Variants in PITPNC1 observed in about 807,000 individuals in gnomAD.
PITPNC1 encodes the protein cytoplasmic phosphatidylinositol transfer protein 1.
Under a neutral mutation model 44.7 loss-of-function variants are expected in PITPNC1, and 18 were observed. The ratio of observed to expected loss-of-function variants is 0.40; its 90% CI spans 0.28 to 0.60. The LOEUF is 0.60. PITPNC1 is among the 20% of genes least tolerant of loss of function. The probability of loss-of-function intolerance (pLI) is 0.39; values close to 1 mark genes in which losing one functional copy is unlikely to be tolerated. For synonymous variants in PITPNC1, 141 were observed against 149.6 expected (o/e 0.94, Z 0.42); for missense variants, 290 against 418.4 (o/e 0.69, Z 2.68).
chr17:67,379,452 C>A, intron 1 of PITPNC1: 1 of 776,584 alleles, frequency 1.3e-6, no homozygotes, highest in Non-Finnish European at 1.6e-6. Context: ...CAAAACGCAT[C>A]ACGGGGACAC....
In PITPNC1 at chr17:67,379,798, G is replaced by A. The variant is rs527917386; in HGVS notation, c.48+1596G>A. 7.9e-5 allele frequency among the ~76,000 whole-genome samples: 12 copies of A among 152,280 alleles called. No homozygotes were observed. In the East Asian group the frequency reaches 1.7e-3, roughly 22 times the overall value. ...CTAATGACCTTGTTTTTTGATATGA[G>A]TTTGGATTCTAGGAGCAATGTTGGG... On this transcript the variant is annotated intron_variant, in intron 1 of 8. Transcript: ENST00000581322.
At position 67,397,002 on chromosome 17, in the gene PITPNC1, C is replaced by T. The variant is rs926074006; in HGVS notation, c.48+18800C>T. Among the ~76,000 whole-genome samples the T allele has an allele frequency of 2.0e-5, 3 of 151,988 alleles. No homozygotes were observed. In the East Asian group the frequency reaches 5.8e-4, roughly 29 times the overall value. ...ATTTTTATTTATTTATTTTTTGAGA[C>T]GAAGTCTCACTCTTATCCCCTAGGC... On this transcript the variant is annotated intron_variant, in intron 1 of 8. Transcript: ENST00000581322.
chr17:67,687,064 A>T, intron 8 of PITPNC1: 1 of 1,571,940 alleles, frequency 6.4e-7, no homozygotes. Flanking sequence ...GACCTCTTTC[A>T]GATATGACAA....
chr17:67,442,778 C>T (rs769145545), intron 1 of PITPNC1, among the ~76,000 whole-genome samples: 1 of 151,866 alleles, frequency 6.6e-6, no homozygotes, highest in Non-Finnish European at 1.5e-5. Flanking sequence ...TTGCTTGAAC[C>T]AGGAGACGAA....
At chr17:67,469,797 A>G (rs1459105473) in intron 1 of PITPNC1, among the ~76,000 whole-genome samples, 1 of 152,198 alleles carries the variant, frequency 6.6e-6, no homozygotes, top group Non-Finnish European at 1.5e-5. Context: ...AGGAAGAAGG[A>G]AATTCAAGTG....
intron 5 of PITPNC1, among the ~76,000 whole-genome samples, chr17:67,598,293 G>C (rs2041486156): frequency 6.6e-6 from 1 of 152,196 alleles, no homozygotes; most frequent in Admixed American, 6.5e-5. Flanking sequence ...GACAGAGAGA[G>C]ATTGGTGCCT....
intron 6 of PITPNC1, among the ~76,000 whole-genome samples, chr17:67,650,424 G>A (rs191294599): frequency 7.0e-4 from 106 of 150,498 alleles, no homozygotes; most frequent in African/African-American, 2.1e-3. Flanking sequence ...GGCATCCTGG[G>A]GGCTAGAAAC....
At chr17:67,503,125 T>C (rs2040057162) in intron 1 of PITPNC1, among the ~76,000 whole-genome samples, 1 of 152,012 alleles carries the variant, frequency 6.6e-6, no homozygotes, top group African/African-American at 2.4e-5. Context: ...AGTGGAGATG[T>C]CAAAGAAAAC....
chr17:67,499,431 G>T (rs2039999516), intron 1 of PITPNC1, among the ~76,000 whole-genome samples: 2 of 151,932 alleles, frequency 1.3e-5, no homozygotes, highest in South Asian at 4.2e-4. Context: ...TGCCCAGGCT[G>T]GTCTTGAACT....
chr17:67,590,820 G>T (rs2144255693), intron 5 of PITPNC1, among the ~76,000 whole-genome samples: 1 of 152,218 alleles, frequency 6.6e-6, no homozygotes, highest in Middle Eastern at 3.4e-3. Context: ...GGGCGTGGTG[G>T]TGGGCACCTG....
At chr17:67,565,491 C>T (rs867354127) in intron 4 of PITPNC1, among the ~76,000 whole-genome samples, 5 of 127,824 alleles carry the variant, frequency 3.9e-5, no homozygotes, top group Admixed American at 8.6e-5. Context: ...CCATGTTTTT[C>T]GGTGTGTATG....
chr17:67,476,860 C>T (rs959904595), intron 1 of PITPNC1, among the ~76,000 whole-genome samples: 1 of 152,046 alleles, frequency 6.6e-6, no homozygotes. Context: ...GGGGTTGAAG[C>T]GCTTCTCCTC....
chr17:67,402,786 C>T (rs2038337688), intron 1 of PITPNC1, among the ~76,000 whole-genome samples: 1 of 152,140 alleles, frequency 6.6e-6, no homozygotes, highest in Non-Finnish European at 1.5e-5. Flanking sequence ...CCTGCCTCAG[C>T]CTCCCAAGTA....
chr17:67,444,715 G>T (rs1220504146), intron 1 of PITPNC1, among the ~76,000 whole-genome samples: 1 of 152,022 alleles, frequency 6.6e-6, no homozygotes, highest in Non-Finnish European at 1.5e-5. Context: ...TGGCCAACAT[G>T]GTGAAACCCT....
intron 1 of PITPNC1, among the ~76,000 whole-genome samples, chr17:67,438,358 C>A (rs1294731583): frequency 1.3e-5 from 2 of 150,806 alleles, no homozygotes; most frequent in African/African-American, 4.9e-5. Flanking sequence ...GCTCTATCGC[C>A]CAGGCTGGAG....
intron 1 of PITPNC1, among the ~76,000 whole-genome samples, chr17:67,463,422 C>T (rs1241109764): frequency 6.6e-6 from 1 of 152,020 alleles, no homozygotes; most frequent in East Asian, 1.9e-4. Context: ...CCCAAACTAC[C>T]AATTCTTACA....
chr17:67,487,255 A>C (rs535971982), intron 1 of PITPNC1, among the ~76,000 whole-genome samples: 6 of 151,854 alleles, frequency 4.0e-5, no homozygotes, highest in African/African-American at 1.2e-4. Context: ...GCTCACTGCA[A>C]CCTCTGCCTC....
chr17:67,432,483 G>A (rs1392821170), intron 1 of PITPNC1, among the ~76,000 whole-genome samples: 3 of 152,264 alleles, frequency 2.0e-5, no homozygotes, highest in African/African-American at 7.2e-5. Flanking sequence ...CAGCATGAGC[G>A]AGAGAGTGAG....
chr17:67,610,377 T>C (rs1427049092), intron 5 of PITPNC1, among the ~76,000 whole-genome samples: 2 of 152,188 alleles, frequency 1.3e-5, no homozygotes, highest in Non-Finnish European at 1.5e-5. Flanking sequence ...CAAAATAATC[T>C]CTGATTCAAG....
Sources: gnomAD v4.1 joint callset for allele counts (sites outside exome capture counted in the v4.1 genomes callset) on GRCh38, gnomAD v4.1.1 for gene constraint, MANE v1.5 for transcripts, NCBI Gene and HGNC (gene_info 2026-07-23, HGNC 2026-07-21) for gene names.